Variants in GTF2H5 observed in about 807,000 individuals in gnomAD.
The protein encoded by GTF2H5 is general transcription factor IIH subunit 5.
In GTF2H5, 5 loss-of-function variants were observed where a neutral mutation model predicts 7.1. The ratio of observed to expected loss-of-function variants is 0.71; its 90% CI spans 0.37 to 1.49. The LOEUF is 1.49. Among genes scored for constraint, GTF2H5 ranks in the 40% most tolerant of loss-of-function variants. The pLI is 0.03. For synonymous variants in GTF2H5, 30 were observed against 31.7 expected (o/e 0.95, Z 0.18); for missense variants, 80 against 83.0 (o/e 0.96, Z 0.14).
At chr6:158,169,496 T>TAC (rs1386686742) in intron 1 of GTF2H5, among the ~76,000 whole-genome samples, 2 of 35,646 alleles carry the variant, frequency 5.6e-5, no homozygotes, top group Admixed American at 6.9e-4. Context: ...TATTGTATAT[T>TAC]ATATAATATA....
At chr6:158,191,914 C>A in intron 2 of GTF2H5, 63 bp from the exon 3 acceptor site, 2 of 1,297,886 alleles carry the variant, frequency 1.5e-6, no homozygotes, top group Non-Finnish European at 2.2e-6. Context: ...CATTTAATTG[C>A]TCAAGTCTCT....
intron 2 of GTF2H5, among the ~76,000 whole-genome samples, chr6:158,175,059 CACAT>C (rs1785916213): frequency 2.1e-5 from 2 of 96,142 alleles, no homozygotes; most frequent in South Asian, 2.9e-4. Context: ...CACACACACA[CACAT>C]ACACATATAT....
chr6:158,184,516 CTT>C (rs967278887), intron 2 of GTF2H5, among the ~76,000 whole-genome samples: 1 of 152,118 alleles, frequency 6.6e-6, no homozygotes, highest in Admixed American at 6.6e-5. Context: ...TGTCTCTTCT[CTT>C]AAGACCCTAC....
intron 2 of GTF2H5, among the ~76,000 whole-genome samples, chr6:158,186,797 T>C (rs936758185): frequency 2.0e-5 from 3 of 152,182 alleles, no homozygotes; most frequent in East Asian, 1.9e-4. Flanking sequence ...GGCTTCCCGG[T>C]CATAGGTAGA....
Position 158,170,516 on chromosome 6 carries a change from T to C in GTF2H5, c.13T>C (p.Leu5=). ...CTTCTGAGAAAACATGGTCAACGTC[T>C]TGAAAGGAGTGCTTATAGAATGGTT... The part of the protein sequence containing the change: MVNV[L]KGVLIECDPA... Residue 5 remains leucine, a synonymous_variant, in exon 2 of 3, where the codon TTG becomes CTG. Transcript: ENST00000607778. 1 of 1,610,166 alleles carries C rather than the reference T, an allele frequency of 6.2e-7. No homozygotes were observed. Among genetic ancestry groups the C allele is most frequent in the Non-Finnish European group, 8.5e-7 (1 of 1,176,328 alleles).
intron 1 of GTF2H5, among the ~76,000 whole-genome samples, chr6:158,169,684 TAATATATATTATATA>T (rs1785786140): frequency 1.9e-5 from 1 of 53,748 alleles, no homozygotes. Context: ...ATATAATATA[TAATATATATTATATA>T]ATATATTGTA....
intron 1 of GTF2H5, among the ~76,000 whole-genome samples, chr6:158,169,564 A>AATATACTGTATATTACAT (rs1562468630): frequency 1.4e-5 from 1 of 70,342 alleles, no homozygotes; most frequent in African/African-American, 6.0e-5. Context: ...TATTATATAT[A>AATATACTGTATATTACAT]ATATATTGTA....
intron 1 of GTF2H5, among the ~76,000 whole-genome samples, chr6:158,169,578 T>C (rs1014955432): frequency 2.2e-4 from 20 of 91,336 alleles, no homozygotes; most frequent in Non-Finnish European, 3.4e-4. Context: ...TATTGTATAT[T>C]ATATATAATA....
At chr6:158,169,527 A>G (rs28796348) in intron 1 of GTF2H5, among the ~76,000 whole-genome samples, 18 of 84,642 alleles carry the variant, frequency 2.1e-4, no homozygotes, top group East Asian at 1.2e-3. Context: ...TATATAATAT[A>G]CAGTATATTA....
intron 2 of GTF2H5, among the ~76,000 whole-genome samples, chr6:158,176,038 T>A (rs746897537): frequency 1.3e-5 from 2 of 152,192 alleles, no homozygotes; most frequent in Non-Finnish European, 2.9e-5. Flanking sequence ...AACAGCCCTT[T>A]GAGGTAAGTG....
rs1702061725 is a variant in GTF2H5 at position 158,169,727 on chromosome 6, T to A, written c.-34-743T>A. 5.8e-5 allele frequency among the ~76,000 whole-genome samples: 5 copies of A among 85,686 alleles called. 1 individual carries two copies. The highest frequency in any genetic ancestry group is 1.1e-4 in the Non-Finnish European group (5 of 45,726). The allele number at this position is 85,686 out of a possible 152,430, so 56.2% of individuals were successfully genotyped here. Reference sequence around the variant, plus strand: ...ATATTGTATATTATATATTATATAATATATTGTATATTATATATTATATAA... The same window carrying A: ...ATATTGTATATTATATATTATATAAAATATTGTATATTATATATTATATAA... On this transcript the variant is annotated intron_variant, in intron 1 of 2. Transcript: ENST00000607778.
chr6:158,169,424 A>G (rs1484891292), intron 1 of GTF2H5, among the ~76,000 whole-genome samples: 1 of 76,738 alleles, frequency 1.3e-5, no homozygotes, highest in Non-Finnish European at 2.1e-5. Context: ...TATTATATAT[A>G]ATATATTGTA....
At chr6:158,183,569 C>T (rs772614915) in intron 2 of GTF2H5, among the ~76,000 whole-genome samples, 2 of 152,186 alleles carry the variant, frequency 1.3e-5, no homozygotes, top group Admixed American at 6.5e-5. Context: ...GCTTTGTTTA[C>T]ACTGTGAGCA....
chr6:158,182,292 C>CT (rs1173054840), intron 2 of GTF2H5, among the ~76,000 whole-genome samples: 2 of 152,236 alleles, frequency 1.3e-5, no homozygotes, highest in Non-Finnish European at 2.9e-5. Flanking sequence ...ACCTTTCTCT[C>CT]TGACTGCCCT....
intron 1 of GTF2H5, among the ~76,000 whole-genome samples, chr6:158,169,730 A>G (rs1457142014): frequency 1.2e-5 from 1 of 86,652 alleles, no homozygotes; most frequent in East Asian, 2.6e-4. Context: ...TATATAATAT[A>G]TTGTATATTA....
At chr6:158,181,783 A>C (rs1786014049) in intron 2 of GTF2H5, among the ~76,000 whole-genome samples, 1 of 151,604 alleles carries the variant, frequency 6.6e-6, no homozygotes, top group African/African-American at 2.4e-5. Flanking sequence ...TGCACATTAG[A>C]TGGGTCTCCT....
At position 158,169,759 on chromosome 6, in the gene GTF2H5, GTATATTATATATAA is replaced by G. The variant is rs1562469460; in HGVS notation, c.-34-704_-34-691del. On this transcript the variant is annotated intron_variant, in intron 1 of 2. Transcript: ENST00000607778. ...TATATTATATATTATATAATATATT[GTATATTATATATAA>G]TATATTGTATATTATATATTATATA... Among the ~76,000 whole-genome samples, 5 of 51,656 alleles carry G rather than the reference GTATATTATATATAA, an allele frequency of 9.7e-5. 1 individual carries two copies. Among genetic ancestry groups the G allele is most frequent in the Non-Finnish European group, 7.2e-5 (2 of 27,704 alleles). 33.9% of individuals were successfully genotyped at this position (51,656 alleles called of 152,430 possible).
chr6:158,168,962 G>A (rs754847910), intron 1 of GTF2H5, among the ~76,000 whole-genome samples: 1 of 152,062 alleles, frequency 6.6e-6, no homozygotes, highest in African/African-American at 2.4e-5. Flanking sequence ...GGCCTGGCGC[G>A]GTGGCTCACA....
intron 2 of GTF2H5, among the ~76,000 whole-genome samples, chr6:158,189,804 T>C (rs561216064): frequency 9.7e-4 from 147 of 152,258 alleles, no homozygotes; most frequent in Non-Finnish European, 1.8e-3. Context: ...TGAAACCCAC[T>C]CCAGTCATGC....
Sources: gnomAD v4.1 joint callset for allele counts (sites outside exome capture counted in the v4.1 genomes callset) on GRCh38, gnomAD v4.1.1 for gene constraint, MANE v1.5 for transcripts, NCBI Gene and HGNC (gene_info 2026-07-23, HGNC 2026-07-21) for gene names.